PLEKHG4B: variants seen among roughly 807,000 people sequenced by gnomAD.
The protein encoded by PLEKHG4B is pleckstrin homology and RhoGEF domain containing G4B.
Under a neutral mutation model 121.3 loss-of-function variants are expected in PLEKHG4B, and 111 were observed. That is an observed-to-expected ratio of 0.92 (90% CI 0.78 to 1.07). PLEKHG4B has a LOEUF of 1.07. Among genes scored for constraint, PLEKHG4B ranks in the 50% least tolerant of loss-of-function variants. PLEKHG4B has a pLI of 0.00. For synonymous variants in PLEKHG4B, 738 were observed against 725.0 expected, an observed-to-expected ratio of 1.02 and a Z score of -0.29; for missense variants, 1,831 against 1,757.8, an observed-to-expected ratio of 1.04 and a Z score of -0.74.
intron 13 of PLEKHG4B, among the ~76,000 whole-genome samples, chr5:168,642 G>T (rs1736431476): frequency 6.6e-6 from 1 of 152,178 alleles, no homozygotes; most frequent in South Asian, 2.1e-4. Context: ...TAGGAAGCCT[G>T]GGAATCTGTC....
chr5:139,528 T>C lies in PLEKHG4B; in HGVS notation c.289T>C (p.Cys97Arg), dbSNP rs1426727269. The C allele has an allele frequency of 7.5e-6, 3 of 398,976 alleles. No homozygotes were observed. Among genetic ancestry groups the C allele is most frequent in the Admixed American group, 4.4e-5 (1 of 22,746 alleles). 24.7% of individuals were successfully genotyped at this position (398,976 alleles called of 1,614,324 possible). A position where few individuals can be genotyped will look rare whatever the true frequency, so the allele number is the denominator to read the frequency against. The change falls in exon 3 of 20, where the codon TGC becomes CGC. Residue 97 changes from cysteine (C) to arginine (R), a missense_variant. Cys to Arg is a radical substitution (Grantham distance 180). Transcript: ENST00000637938. The surrounding 1 kb of genome is among the most constrained non-coding windows in gnomAD (Gnocchi z 5.0). Reference protein sequence around the residue: ...LVFLHPGWPLCAHEKVVVQLA... With the variant: ...LVFLHPGWPLRAHEKVVVQLA... ...CTTCCTGCACCCAGGCTGGCCGCTG[T>C]GCGCCCATGAGAAGGTGGTGGTGCA... is the stretch of plus-strand genomic sequence containing the variant.
Position 162,839 on chromosome 5 carries a change from G to A in PLEKHG4B, c.2767G>A (p.Ala923Thr). 2 of 1,510,634 alleles carry A rather than the reference G, an allele frequency of 1.3e-6. No individual in the cohort carries two copies. Among genetic ancestry groups the A allele is most frequent in the Non-Finnish European group, 1.8e-6 (2 of 1,129,366 alleles). 93.6% of individuals were successfully genotyped at this position (1,510,634 alleles called of 1,614,324 possible). Residue 923 changes from alanine to threonine, a missense_variant, in exon 13 of 20, where the codon GCA (alanine) becomes ACA (threonine). Ala to Thr is a moderately conservative substitution (Grantham distance 58). Coordinates refer to ENST00000637938, the MANE Select transcript of PLEKHG4B (RefSeq NM_052909.5). ...TSVAAEAFPG[A>T]GVAVLKPHAL... ...GGTGGCTGCAGAGGCCTTCCCCGGG[G>A]CAGGTGTGGCAGTGCTGAAGCCTCA...
In PLEKHG4B at chr5:139,193, G is replaced by A. The variant is rs898631404; in HGVS notation, c.244-290G>A. Among the ~76,000 whole-genome samples, 5 of 152,320 alleles carry A rather than the reference G, an allele frequency of 3.3e-5. No individual in the cohort carries two copies. The highest frequency in any genetic ancestry group is 1.2e-4 in the African/African-American group (5 of 41,568). ...TCGGAGCGCCTGGTGGGCTGTGGCTGTGGCCCTCGAGTGGCCTCCTCTCCC... is the reference window on the plus strand; with the variant it reads ...TCGGAGCGCCTGGTGGGCTGTGGCTATGGCCCTCGAGTGGCCTCCTCTCCC... On this transcript the variant is annotated intron_variant, in intron 2 of 19. Coordinates refer to ENST00000637938, the MANE Select transcript of PLEKHG4B (RefSeq NM_052909.5). This position sits in a 1 kb window ranked among gnomAD's most constrained non-coding sequence, Gnocchi z 5.0.
rs937336187 is a variant in PLEKHG4B, at chr5:140,394, C to T, written c.1155C>T (p.Ser385=). Residue 385 remains serine, a synonymous_variant, in exon 3 of 20, where the codon AGC becomes AGT. Coordinates refer to ENST00000637938, the MANE Select transcript of PLEKHG4B (RefSeq NM_052909.5). Reference sequence around the variant, plus strand: ...CCTGCAGCTCCCTGACTGGAGCCAGCAGGGACCTGGGGACTGGGGCAGTAG... The same window carrying T: ...CCTGCAGCTCCCTGACTGGAGCCAGTAGGGACCTGGGGACTGGGGCAGTAG... The part of the protein sequence containing the change: ...DLACSSLTGA[S]RDLGTGAVAS... The T allele has an allele frequency of 5.8e-6, 9 of 1,552,760 alleles. No homozygotes were observed. The highest frequency in any genetic ancestry group is 7.8e-6 in the Non-Finnish European group (9 of 1,148,902).
chr5:94,055 G>T lies in PLEKHG4B; in HGVS notation c.45+1779G>T, dbSNP rs1403402869. ...CTAACTCTCACCTCAGACCTCCAAG[G>T]TGGGGCTACTCATTCTATAGATAGT... On this transcript the variant is annotated intron_variant, in intron 1 of 19. Coordinates refer to ENST00000637938, the MANE Select transcript of PLEKHG4B (RefSeq NM_052909.5). 3.3e-5 allele frequency among the ~76,000 whole-genome samples: 5 copies of T among 152,190 alleles called. No individual in the cohort carries two copies. The East Asian group carries it at 9.6e-4, about 29-fold the overall frequency.
intron 1 of PLEKHG4B, among the ~76,000 whole-genome samples, chr5:99,168 GTGTA>G (rs1733722086): frequency 4.4e-5 from 2 of 45,118 alleles, no homozygotes; most frequent in African/African-American, 2.0e-4. Flanking sequence ...AAAAAAAAAA[GTGTA>G]TATATATATA....
chr5:148,916 A>AATC (rs1735515193), intron 6 of PLEKHG4B, among the ~76,000 whole-genome samples: 1 of 152,242 alleles, frequency 6.6e-6, no homozygotes, highest in Non-Finnish European at 1.5e-5. Flanking sequence ...TGAAACTAAC[A>AATC]ATCATATACA....
chr5:174,402 G>A (rs1490430450), intron 18 of PLEKHG4B, among the ~76,000 whole-genome samples: 3 of 145,262 alleles, frequency 2.1e-5, no homozygotes, highest in African/African-American at 7.6e-5. Flanking sequence ...CTGGGGTGGG[G>A]ACTGGAGACT....
chr5:172,868 A>G, intron 16 of PLEKHG4B, 29 bp from the exon 17 acceptor site: 2 of 1,612,580 alleles, frequency 1.2e-6, no homozygotes, highest in Non-Finnish European at 1.7e-6. Context: ...ATTTTCTTGG[A>G]TGAAATCCAC....
At chr5:131,933 A>G (rs541040238) in intron 2 of PLEKHG4B, among the ~76,000 whole-genome samples, 1 of 152,282 alleles carries the variant, frequency 6.6e-6, no homozygotes, top group African/African-American at 2.4e-5. Flanking sequence ...GATCATCTCA[A>G]TTGATGCAGA....
At position 173,987 on chromosome 5, in the gene PLEKHG4B, C is replaced by T. The variant is rs761248043; in HGVS notation, c.4291C>T (p.Arg1431Trp). The change falls in exon 18 of 20, where the codon CGG becomes TGG. Residue 1431 changes from arginine (R) to tryptophan (W), a missense_variant. By Grantham distance (101) the Arg-to-Trp change is moderately radical. Coordinates refer to ENST00000637938, the MANE Select transcript of PLEKHG4B (RefSeq NM_052909.5). Reference protein sequence around the residue: ...GLRFEIWFRRRRKSQDTYILQ... With the variant: ...GLRFEIWFRRWRKSQDTYILQ... ...GAGGTTTGAGATTTGGTTTCGCAGGCGGCGGAAATCTCAGGACACCTACAT... is the reference window on the plus strand; with the variant it reads ...GAGGTTTGAGATTTGGTTTCGCAGGTGGCGGAAATCTCAGGACACCTACAT... 1.7e-5 allele frequency: 28 copies of T among 1,611,934 alleles called. No individual in the cohort carries two copies. The highest frequency in any genetic ancestry group is 7.7e-5 in the South Asian group (7 of 90,638).
chr5:156,217 G>A lies in PLEKHG4B; in HGVS notation c.2348+7G>A, dbSNP rs1020120958. The A allele has an allele frequency of 1.0e-5, 15 of 1,488,390 alleles. No individual in the cohort carries two copies. The highest frequency in any genetic ancestry group is 4.1e-5 in the South Asian group (3 of 72,850). The allele number at this position is 1,488,390 out of a possible 1,614,324, so 92.2% of individuals were successfully genotyped here. ...TTGGCACAGAAGACAGCCGGTGAGC[G>A]CTCACAGGGGTCATGCTGGGCCCTG... is the stretch of plus-strand genomic sequence containing the variant. On this transcript the variant is annotated splice_region_variant and intron_variant, in intron 10 of 19. Coordinates refer to ENST00000637938, the MANE Select transcript of PLEKHG4B (RefSeq NM_052909.5). The surrounding 1 kb of genome is among the most constrained non-coding windows in gnomAD (Gnocchi z 4.4).
chr5:171,439 T>A lies in PLEKHG4B; in HGVS notation c.4045T>A (p.Cys1349Ser). The change falls in exon 16 of 20, where the codon TGT (cysteine) becomes AGT (serine). Residue 1349 changes from cysteine (C) to serine (S), a missense_variant. Transcript: ENST00000637938. The stretch of plus-strand genomic sequence containing the variant: ...GCTGGCCATGGACGCCATCCGCGGC[T>A]GTGACGTAAGTGCCTCAGACGCTGG... ...DLLAMDAIRG[C>S]DVNLKEQGQL... 6.3e-7 allele frequency: 1 copy of A among 1,592,644 alleles called. No individual in the cohort carries two copies. Among genetic ancestry groups the A allele is most frequent in the South Asian group, 1.1e-5 (1 of 90,192 alleles).
chr5:173,740 C>T lies in PLEKHG4B; in HGVS notation c.4222-178C>T, dbSNP rs570921836. Among the ~76,000 whole-genome samples, 10 of 152,250 alleles carry T rather than the reference C, an allele frequency of 6.6e-5. No individual in the cohort carries two copies. In the South Asian group the frequency reaches 8.3e-4, roughly 13 times the overall value. On this transcript the variant is annotated intron_variant, in intron 17 of 19. Transcript: ENST00000637938. ...CTGCACACAGGCACTCTCCCTGGCA[C>T]GGTCACAAGCAGCCTCACACACTCG...
rs1047047581 is a variant in PLEKHG4B at position 185,981 on chromosome 5, G to A, written c.*3658G>A. 3 of 152,264 alleles carry A rather than the reference G, an allele frequency of 2.0e-5. No homozygotes were observed. The highest frequency in any genetic ancestry group is 4.4e-5 in the Non-Finnish European group (3 of 68,058). 9.4% of individuals were successfully genotyped at this position (152,264 alleles called of 1,614,324 possible). A position where few individuals can be genotyped will look rare whatever the true frequency, so the allele number is the denominator to read the frequency against. ...CCACGGCCGGGACCCCTCAGCCTGT[G>A]ACTTGGTCTGGGCAGATGCAAAGGC... On this transcript the variant is annotated 3_prime_UTR_variant, in exon 20 of 20. Transcript: ENST00000637938.
At chr5:175,594 T>C (rs113850345) in intron 18 of PLEKHG4B, among the ~76,000 whole-genome samples, 2,165 of 149,082 alleles carry the variant, frequency 0.015, 43 homozygotes, top group African/African-American at 0.048. Context: ...CCTGCACGGC[T>C]GCACCCCGCC....
rs970102983 is a variant in PLEKHG4B, at chr5:157,894, C to T, written c.2487+983C>T. Among the ~76,000 whole-genome samples the T allele has an allele frequency of 2.6e-5, 4 of 152,152 alleles. No homozygotes were observed. Among genetic ancestry groups the T allele is most frequent in the Non-Finnish European group, 5.9e-5 (4 of 67,998 alleles). The stretch of plus-strand genomic sequence containing the variant: ...CTCCTGTCTGCTGGCAAAGCTCCCC[C>T]GGCCTTCAGGTCCATGCGCGTGCCC... On this transcript the variant is annotated intron_variant, in intron 11 of 19. Transcript: ENST00000637938. The surrounding 1 kb of genome is among the most constrained non-coding windows in gnomAD (Gnocchi z 4.6).
chr5:151,652 G>C, intron 7 of PLEKHG4B, 53 bp downstream of exon 7: 2 of 1,178,960 alleles, frequency 1.7e-6, no homozygotes, highest in South Asian at 2.8e-5. Context: ...AAACATTAAG[G>C]CACCTAGATG....
chr5:151,719 G>A, intron 7 of PLEKHG4B, 120 bp downstream of exon 7: 1 of 623,068 alleles, frequency 1.6e-6, no homozygotes, highest in Non-Finnish European at 2.6e-6. Context: ...GTGGGAGCCT[G>A]GAAACCTACT....
Sources: gnomAD v4.1 joint callset for allele counts (sites outside exome capture counted in the v4.1 genomes callset) on GRCh38, gnomAD v4.1.1 for gene constraint, Gnocchi (gnomAD v3.1) non-coding constraint, MANE v1.5 for transcripts, NCBI Gene and HGNC (gene_info 2026-07-23, HGNC 2026-07-21) for gene names.